Variants in MAGI1 observed in about 807,000 individuals in gnomAD.
MAGI1 encodes the protein membrane-associated guanylate kinase, WW and PDZ domain-containing protein 1.
A neutral mutation model predicts 139.9 loss-of-function variants in MAGI1; 58 were observed. That is an observed-to-expected ratio of 0.41 (90% CI 0.34 to 0.52). The LOEUF is 0.52. Ranked by LOEUF, MAGI1 falls within the 20% of genes least tolerant of loss-of-function variation. MAGI1 has a pLI of 0.12. For missense variants in MAGI1, 1,874 were observed against 1,901.6 expected (o/e 0.99, Z 0.27); for synonymous variants, 812 against 737.9 (o/e 1.10, Z -1.63).
chr3:65,890,577 G>C (rs954563927), intron 1 of MAGI1, among the ~76,000 whole-genome samples: 1 of 152,166 alleles, frequency 6.6e-6, no homozygotes, highest in African/African-American at 2.4e-5. Flanking sequence ...GGACTTGCAA[G>C]AACATTCCAA....
intron 1 of MAGI1, among the ~76,000 whole-genome samples, chr3:66,034,254 T>C (rs2068795349): frequency 6.7e-6 from 1 of 148,610 alleles, no homozygotes; most frequent in South Asian, 2.2e-4. Flanking sequence ...ACTATACTAA[T>C]GCCACTGGTC....
intron 1 of MAGI1, among the ~76,000 whole-genome samples, chr3:65,998,210 T>C (rs1289136752): frequency 6.6e-6 from 1 of 152,082 alleles, no homozygotes; most frequent in Non-Finnish European, 1.5e-5. Flanking sequence ...AGACTATACT[T>C]CCCTGACTTG....
At position 65,430,278 on chromosome 3, in the gene MAGI1, T is replaced by G; in HGVS notation, c.1547-138A>C. On this transcript the variant is annotated intron_variant, in intron 11 of 22. Transcript: ENST00000402939. ...TACTATAGGGTATAAAGTGCTTCTA[T>G]TACTGATTTTAACAGCTAATAAAGT... 1.1e-5 allele frequency: 9 copies of G among 817,468 alleles called. No homozygotes were observed. In the South Asian group the frequency reaches 1.7e-4, roughly 15 times the overall value. 50.6% of individuals were successfully genotyped at this position (817,468 alleles called of 1,614,324 possible).
chr3:65,521,113 T>C (rs998571760), intron 2 of MAGI1, among the ~76,000 whole-genome samples: 1 of 152,178 alleles, frequency 6.6e-6, no homozygotes, highest in Admixed American at 6.5e-5. Context: ...CCACAGACAG[T>C]GGAAGGCACT....
chr3:65,796,798 T>C (rs74867336), intron 1 of MAGI1, among the ~76,000 whole-genome samples: 4,380 of 152,306 alleles, frequency 0.029, 87 homozygotes, highest in Non-Finnish European at 0.041. Flanking sequence ...CTCAATTCTG[T>C]TGCTGTCATG....
chr3:65,962,205 C>T (rs1028865003), intron 1 of MAGI1, among the ~76,000 whole-genome samples: 2 of 149,916 alleles, frequency 1.3e-5, no homozygotes, highest in African/African-American at 4.9e-5. Context: ...TCACTGCAAG[C>T]TCTGCAGTGG....
chr3:65,862,515 C>A (rs180984266), intron 1 of MAGI1, among the ~76,000 whole-genome samples: 6 of 152,314 alleles, frequency 3.9e-5, no homozygotes, highest in East Asian at 1.9e-4. Context: ...CACTCTGTTC[C>A]TCTTCACCCT....
At chr3:65,965,603 T>C (rs533019670) in intron 1 of MAGI1, among the ~76,000 whole-genome samples, 1 of 152,198 alleles carries the variant, frequency 6.6e-6, no homozygotes, top group East Asian at 1.9e-4. Flanking sequence ...AGGAATGAAT[T>C]TGAACTGAAG....
intron 2 of MAGI1, among the ~76,000 whole-genome samples, chr3:65,598,960 G>C (rs2082356867): frequency 6.6e-6 from 1 of 152,216 alleles, no homozygotes; most frequent in South Asian, 2.1e-4. Flanking sequence ...TAGCAAGAGA[G>C]TGAATGCCTC....
chr3:65,689,726 T>C (rs959990894), intron 1 of MAGI1, among the ~76,000 whole-genome samples: 2 of 152,212 alleles, frequency 1.3e-5, no homozygotes, highest in African/African-American at 4.8e-5. Context: ...TTTATTTTTG[T>C]GCCAAGTGCT....
chr3:65,653,741 A>C (rs1276227785), intron 1 of MAGI1, among the ~76,000 whole-genome samples: 1 of 152,138 alleles, frequency 6.6e-6, no homozygotes, highest in Non-Finnish European at 1.5e-5. Context: ...GGTTATTTTA[A>C]ATCTAGCAGG....
chr3:65,801,087 T>G (rs2040482880), intron 1 of MAGI1, among the ~76,000 whole-genome samples: 1 of 152,202 alleles, frequency 6.6e-6, no homozygotes, highest in Admixed American at 6.5e-5. Flanking sequence ...TTTGAGACAC[T>G]TATGAAAATG....
intron 4 of MAGI1, among the ~76,000 whole-genome samples, chr3:65,474,429 G>A (rs942863021): frequency 2.0e-5 from 3 of 152,132 alleles, no homozygotes; most frequent in Admixed American, 6.6e-5. Context: ...ATTGTTCAGT[G>A]GTGTAACAGG....
At chr3:65,799,551 T>G (rs929075692) in intron 1 of MAGI1, among the ~76,000 whole-genome samples, 2 of 152,196 alleles carry the variant, frequency 1.3e-5, no homozygotes, top group Admixed American at 6.5e-5. Flanking sequence ...TTACTGTGCC[T>G]AGTTTATAAA....
At chr3:65,374,525 C>T (rs946526323) in intron 18 of MAGI1, among the ~76,000 whole-genome samples, 1 of 152,022 alleles carries the variant, frequency 6.6e-6, no homozygotes, top group Non-Finnish European at 1.5e-5. Context: ...ACCATGTTGG[C>T]CAGGCTGGTC....
intron 1 of MAGI1, among the ~76,000 whole-genome samples, chr3:65,963,143 C>T (rs956732371): frequency 3.1e-5 from 4 of 128,906 alleles, no homozygotes; most frequent in Admixed American, 3.0e-4. Flanking sequence ...ACAGCCTGGC[C>T]AACACAGTGG....
chr3:65,470,521 G>C, intron 4 of MAGI1, 37 bp from the exon 5 acceptor site: 1 of 1,137,654 alleles, frequency 8.8e-7, no homozygotes, highest in Non-Finnish European at 1.2e-6. Context: ...GAGAGAGAGA[G>C]AGAAAAAAAA....
intron 2 of MAGI1, among the ~76,000 whole-genome samples, chr3:65,596,973 C>T (rs1336109569): frequency 6.6e-6 from 1 of 152,168 alleles, no homozygotes; most frequent in East Asian, 1.9e-4. Flanking sequence ...AGGAGAATCG[C>T]AGCCCTTCCG....
intron 1 of MAGI1, among the ~76,000 whole-genome samples, chr3:65,970,022 A>G (rs1309390505): frequency 6.6e-6 from 1 of 152,108 alleles, no homozygotes; most frequent in Non-Finnish European, 1.5e-5. Flanking sequence ...CATTAAACCA[A>G]CTCAGATGGT....
Sources: allele counts gnomAD v4.1 joint callset (sites outside exome capture counted in the v4.1 genomes callset), GRCh38; gene constraint gnomAD v4.1.1; transcripts MANE v1.5; gene names NCBI Gene and HGNC (gene_info 2026-07-23, HGNC 2026-07-21).